Variants in KDM1A observed in about 807,000 individuals in gnomAD.
KDM1A encodes the protein lysine demethylase 1A.
In KDM1A, 49 loss-of-function variants were observed where a neutral mutation model predicts 109.4. That is an observed-to-expected ratio of 0.45 (90% CI 0.36 to 0.57). The LOEUF (loss-of-function observed/expected upper bound fraction) is 0.57, where lower values mean the gene tolerates loss of function less well. Among genes scored for constraint, KDM1A ranks in the 20% least tolerant of loss-of-function variants. The probability of loss-of-function intolerance (pLI) is 0.00; values close to 1 mark genes in which losing one functional copy is unlikely to be tolerated. For synonymous variants in KDM1A, 380 were observed against 415.4 expected (o/e 0.91, Z 1.04); for missense variants, 668 against 1,116.6 (o/e 0.60, Z 5.73).
chr1:23,073,488 T>A lies in KDM1A; in HGVS notation c.1734+85T>A, dbSNP rs1174629685. 22 of 767,558 alleles carry A rather than the reference T, an allele frequency of 2.9e-5. No individual in the cohort carries two copies. The East Asian group carries it at 5.4e-4, about 19-fold the overall frequency. 47.5% of individuals were successfully genotyped at this position (767,558 alleles called of 1,614,324 possible). A position where few individuals can be genotyped will look rare whatever the true frequency, so the allele number is the denominator to read the frequency against. ...ATAGTTAATTTTGTATGTGTGTTTT[T>A]AAACAGCTTTAGTAAGAGACATCAT... On this transcript the variant is annotated intron_variant, in intron 15 of 20. Transcript: ENST00000400181.
intron 9 of KDM1A, among the ~76,000 whole-genome samples, chr1:23,063,515 T>C (rs1425081849): frequency 1.3e-5 from 2 of 152,184 alleles, no homozygotes; most frequent in Non-Finnish European, 2.9e-5. Context: ...CTTGGTTTTC[T>C]TCCTTTGAAC....
At chr1:23,048,134 A>G (rs1435324612) in intron 3 of KDM1A, among the ~76,000 whole-genome samples, 1 of 152,136 alleles carries the variant, frequency 6.6e-6, no homozygotes, top group Admixed American at 6.5e-5. Flanking sequence ...AATAGTATAT[A>G]CTTATGAATT....
chr1:23,063,891 A>G (rs534817719), intron 9 of KDM1A, among the ~76,000 whole-genome samples: 1 of 152,192 alleles, frequency 6.6e-6, no homozygotes, highest in East Asian at 1.9e-4. Flanking sequence ...AATCACATTG[A>G]TTATTTTTGT....
Position 23,072,196 on chromosome 1 carries a change from A to G in KDM1A, c.1621A>G (p.Ser541Gly), listed in dbSNP as rs1406916061. ...KLQELEANPP[S>G]DVYLSSRDRQ... ...TCAGGAGTTGGAAGCGAATCCCCCA[A>G]GGTAAGGAAAACAAACACAAAAGTT... The change falls in exon 14 of 21, where the codon AGT becomes GGT. Residue 541 changes from serine (S) to glycine (G), a missense_variant and splice_region_variant. Physicochemically the swap from Ser to Gly is moderately conservative, Grantham distance 56 (BLOSUM62 0). Around this residue, in one of 8 missense-constraint regions of KDM1A, gnomAD observed 162 missense variants for 376.4 expected, o/e 0.43. Transcript: ENST00000400181. The G allele has an allele frequency of 6.2e-7, 1 of 1,607,766 alleles. No individual in the cohort carries two copies. Among genetic ancestry groups the G allele is most frequent in the Admixed American group, 1.7e-5 (1 of 59,676 alleles).
rs1641540449 is a variant in KDM1A, at chr1:23,019,561, C to T, written c.-36C>T. Reference sequence around the variant, plus strand: ...CGGACCCACGGAGCGACAGAGCGAGCGGCCCCTACGGCCGTCGGCGGCCCG... The same window carrying T: ...CGGACCCACGGAGCGACAGAGCGAGTGGCCCCTACGGCCGTCGGCGGCCCG... On this transcript the variant is annotated 5_prime_UTR_variant, in exon 1 of 21. Transcript: ENST00000400181. The T allele has an allele frequency of 4.3e-6, 6 of 1,379,722 alleles. No individual in the cohort carries two copies. The South Asian group carries it at 5.3e-5, about 12-fold the overall frequency. 85.5% of individuals were successfully genotyped at this position (1,379,722 alleles called of 1,614,324 possible).
At chr1:23,068,786 T>A in intron 11 of KDM1A, 105 bp downstream of exon 11, 2 of 988,442 alleles carry the variant, frequency 2.0e-6, no homozygotes, top group Non-Finnish European at 2.8e-6. Context: ...AGTTTTTACT[T>A]AATTTTGTAT....
At chr1:23,029,330 A>T (rs1201541479) in intron 1 of KDM1A, among the ~76,000 whole-genome samples, 1 of 152,212 alleles carries the variant, frequency 6.6e-6, no homozygotes, top group Non-Finnish European at 1.5e-5. Flanking sequence ...CATGGAATTA[A>T]TAATAATTAG....
intron 2 of KDM1A, among the ~76,000 whole-genome samples, chr1:23,038,672 C>G (rs1218123075): frequency 6.6e-6 from 1 of 152,142 alleles, no homozygotes; most frequent in Non-Finnish European, 1.5e-5. Flanking sequence ...CTTGTAGGGC[C>G]TTTTACTTTC....
intron 1 of KDM1A, among the ~76,000 whole-genome samples, chr1:23,025,503 G>A (rs766572348): frequency 6.6e-6 from 1 of 151,926 alleles, no homozygotes; most frequent in Non-Finnish European, 1.5e-5. Context: ...GCTAATTTTT[G>A]TATTTTCAGC....
At chr1:23,046,155 A>G (rs939335620) in intron 3 of KDM1A, among the ~76,000 whole-genome samples, 1 of 152,160 alleles carries the variant, frequency 6.6e-6, no homozygotes, top group Non-Finnish European at 1.5e-5. Context: ...TTGACCAGCA[A>G]TACACCAGCA....
At position 23,019,788 on chromosome 1, in the gene KDM1A, G is replaced by A; in HGVS notation, c.192G>A (p.Glu64=). 1 of 1,380,218 alleles carries A rather than the reference G, an allele frequency of 7.2e-7. No individual in the cohort carries two copies. Among genetic ancestry groups the A allele is most frequent in the South Asian group, 1.7e-5 (1 of 58,760 alleles). The allele number at this position is 1,380,218 out of a possible 1,614,324, so 85.5% of individuals were successfully genotyped here. A position where few individuals can be genotyped will look rare whatever the true frequency, so the allele number is the denominator to read the frequency against. ...GGGAGCGCACACCCCGCAAGAAAGAGCCTCCGCGGGCCTCGCCCCCCGGGG... is the reference window on the plus strand; with the variant it reads ...GGGAGCGCACACCCCGCAAGAAAGAACCTCCGCGGGCCTCGCCCCCCGGGG... ...AVGERTPRKK[E]PPRASPPGGL... Residue 64 remains glutamate, a synonymous_variant, in exon 1 of 21, where the codon GAG becomes GAA. Transcript: ENST00000400181.
intron 1 of KDM1A, among the ~76,000 whole-genome samples, chr1:23,025,799 G>A: frequency 6.6e-6 from 1 of 151,414 alleles, no homozygotes. Flanking sequence ...TTAGAATTAA[G>A]TTTGAATTCA....
intron 11 of KDM1A, 24 bp from the exon 12 acceptor site, chr1:23,069,037 G>A: frequency 2.6e-6 from 4 of 1,550,542 alleles, no homozygotes; most frequent in Non-Finnish European, 3.5e-6. Flanking sequence ...TTTGAGAGCA[G>A]ATTATACATA....
At chr1:23,020,813 A>T (rs927206822) in intron 1 of KDM1A, among the ~76,000 whole-genome samples, 11 of 152,214 alleles carry the variant, frequency 7.2e-5, no homozygotes, top group Non-Finnish European at 1.6e-4. Context: ...TAAGTGATGG[A>T]AGTGGAATGT....
At position 23,055,408 on chromosome 1, in the gene KDM1A, A is replaced by G. The variant is rs557364184; in HGVS notation, c.883+247A>G. On this transcript the variant is annotated intron_variant, in intron 6 of 20. Coordinates refer to ENST00000400181, the MANE Select transcript of KDM1A (RefSeq NM_001009999.3). Reference sequence around the variant, plus strand: ...ATAGCTACTTAGTAAAAGATACTGGATTTCCAATTTAAAAAAAAGAATAAA... The same window carrying G: ...ATAGCTACTTAGTAAAAGATACTGGGTTTCCAATTTAAAAAAAAGAATAAA... The G allele has an allele frequency of 1.6e-5, 4 of 243,956 alleles. No homozygotes were observed. The South Asian group carries it at 5.0e-4, about 31-fold the overall frequency. The allele number at this position is 243,956 out of a possible 1,614,324, so 15.1% of individuals were successfully genotyped here. A position where few individuals can be genotyped will look rare whatever the true frequency, so the allele number is the denominator to read the frequency against.
intron 18 of KDM1A, 23 bp from the exon 19 acceptor site, chr1:23,081,422 GA>G: frequency 6.2e-7 from 1 of 1,613,714 alleles, no homozygotes; most frequent in South Asian, 1.1e-5. Flanking sequence ...GAAAACCCTA[GA>G]ATTATCCTTT....
At chr1:23,022,384 G>A (rs1347581053) in intron 1 of KDM1A, among the ~76,000 whole-genome samples, 1 of 151,428 alleles carries the variant, frequency 6.6e-6, no homozygotes, top group Non-Finnish European at 1.5e-5. Flanking sequence ...TGCCCAGGCT[G>A]GAGTGCAGTG....
chr1:23,073,308 T>A lies in KDM1A; in HGVS notation c.1639T>A (p.Ser547Thr). 1 of 1,590,634 alleles carries A rather than the reference T, an allele frequency of 6.3e-7. No individual in the cohort carries two copies. The highest frequency in any genetic ancestry group is 8.6e-7 in the Non-Finnish European group (1 of 1,159,358). ...ANPPSDVYLS[S>T]RDRQILDWHF... Reference sequence around the variant, plus strand: ...CTTTTGCAGTGATGTATATCTCTCATCAAGAGACAGACAAATACTTGATTG... The same window carrying A: ...CTTTTGCAGTGATGTATATCTCTCAACAAGAGACAGACAAATACTTGATTG... Residue 547 changes from serine (S) to threonine (T), a missense_variant, in exon 15 of 21, where the codon TCA becomes ACA. Physicochemically the swap from Ser to Thr is moderately conservative, Grantham distance 58. Coordinates refer to ENST00000400181, the MANE Select transcript of KDM1A (RefSeq NM_001009999.3).
At chr1:23,026,746 A>G (rs1641815978) in intron 1 of KDM1A, among the ~76,000 whole-genome samples, 1 of 152,152 alleles carries the variant, frequency 6.6e-6, no homozygotes. Flanking sequence ...AATCATTGTA[A>G]TAAGGGTGGG....
Sources: allele counts gnomAD v4.1 joint callset (sites outside exome capture counted in the v4.1 genomes callset), GRCh38; gene constraint gnomAD v4.1.1; regional missense constraint gnomAD v4.1.1; transcripts MANE v1.5; gene names NCBI Gene and HGNC (gene_info 2026-07-23, HGNC 2026-07-21).